The following PHTF2 variants were observed in gnomAD, a reference collection of about 807,000 sequenced individuals.
PHTF2 encodes the protein putative homeodomain transcription factor 2, also known as protein PHTF2.
PHTF2 carries 60 observed loss-of-function variants against 101.2 expected under a neutral mutation model. That is an observed-to-expected ratio of 0.59 (90% CI 0.48 to 0.73). PHTF2 has a LOEUF of 0.73. PHTF2 is among the 30% of genes least tolerant of loss of function. PHTF2 has a pLI of 0.00. For synonymous variants in PHTF2, 311 were observed against 307.3 expected, an observed-to-expected ratio of 1.01 and a Z score of -0.13; for missense variants, 747 against 908.7, an observed-to-expected ratio of 0.82 and a Z score of 2.29.
intron 3 of PHTF2, among the ~76,000 whole-genome samples, chr7:77,860,072 A>G (rs943544150): frequency 2.4e-4 from 36 of 152,264 alleles, no homozygotes; most frequent in Non-Finnish European, 5.3e-4. Flanking sequence ...CAGAGTGTAT[A>G]TTTCTCAATG....
chr7:77,819,956 C>G (rs961563052), intron 1 of PHTF2, among the ~76,000 whole-genome samples: 2 of 152,026 alleles, frequency 1.3e-5, no homozygotes, highest in Non-Finnish European at 2.9e-5. Flanking sequence ...ATGGTGTGAT[C>G]TCGACTCACT....
At chr7:77,807,705 G>A (rs188686174) in intron 1 of PHTF2, among the ~76,000 whole-genome samples, 4 of 152,232 alleles carry the variant, frequency 2.6e-5, no homozygotes, top group African/African-American at 9.6e-5. Context: ...TAAGTTTGAT[G>A]TAGTCCCATT....
Position 77,840,058 on chromosome 7 carries a change from A to C in PHTF2, c.-35-163A>C, listed in dbSNP as rs1795752277. On this transcript the variant is annotated intron_variant, in intron 1 of 19. Transcript: ENST00000416283. ...TGTGGCAACTGATTTTTGTTTACTT[A>C]AGAGAACCTGTTGCTAAAATAGTAA... is the stretch of plus-strand genomic sequence containing the variant. 3 of 401,030 alleles carry C rather than the reference A, an allele frequency of 7.5e-6. No homozygotes were observed. In the East Asian group the frequency reaches 1.1e-4, roughly 15 times the overall value. The allele number at this position is 401,030 out of a possible 1,614,324, so 24.8% of individuals were successfully genotyped here.
At chr7:77,837,771 T>A (rs1312596313) in intron 1 of PHTF2, among the ~76,000 whole-genome samples, 2 of 152,196 alleles carry the variant, frequency 1.3e-5, no homozygotes, top group African/African-American at 4.8e-5. Context: ...GCAGTGTTTT[T>A]CAAACTTTCA....
At chr7:77,934,621 T>C (rs1402274862) in intron 12 of PHTF2, among the ~76,000 whole-genome samples, 2 of 151,832 alleles carry the variant, frequency 1.3e-5, no homozygotes, top group Non-Finnish European at 2.9e-5. Context: ...TCTTCAAAGG[T>C]AAAAAAAAAT....
At position 77,904,049 on chromosome 7, in the gene PHTF2, A is replaced by G. The variant is rs1056442711; in HGVS notation, c.445+2129A>G. On this transcript the variant is annotated intron_variant, in intron 7 of 19. Transcript: ENST00000416283. ...GCCAAGATTACTGCCAGGAAACCTC[A>G]TATCATCTTCTACTTTCTGTCCATT... Among the ~76,000 whole-genome samples, 5 of 152,296 alleles carry G rather than the reference A, an allele frequency of 3.3e-5. No individual in the cohort carries two copies. The East Asian group carries it at 7.7e-4, about 23-fold the overall frequency.
At chr7:77,832,885 T>C (rs1795177986) in intron 1 of PHTF2, among the ~76,000 whole-genome samples, 1 of 152,050 alleles carries the variant, frequency 6.6e-6, no homozygotes, top group Non-Finnish European at 1.5e-5. Context: ...CCATCCCCCC[T>C]ACCCTGGCCA....
chr7:77,858,592 G>T (rs374811657), intron 3 of PHTF2, among the ~76,000 whole-genome samples: 95 of 147,076 alleles, frequency 6.5e-4, no homozygotes, highest in Admixed American at 3.4e-3. Context: ...GGTTTTTTTT[G>T]TTTGTTTGTT....
chr7:77,909,209 A>G, intron 8 of PHTF2: 1 of 333,302 alleles, frequency 3.0e-6, no homozygotes, highest in Non-Finnish European at 5.4e-6. Context: ...ATAGTCACCT[A>G]ATATCAATGT....
intron 3 of PHTF2, among the ~76,000 whole-genome samples, chr7:77,886,913 G>C (rs1205553871): frequency 6.6e-6 from 1 of 152,008 alleles, no homozygotes; most frequent in African/African-American, 2.4e-5. Context: ...AGCAAGGTGG[G>C]GGTGCACCTG....
chr7:77,836,735 G>A (rs566545390), intron 1 of PHTF2, among the ~76,000 whole-genome samples: 18 of 151,958 alleles, frequency 1.2e-4, no homozygotes, highest in African/African-American at 4.1e-4. Context: ...ACCAAATGCT[G>A]CATGTTCTCA....
intron 2 of PHTF2, among the ~76,000 whole-genome samples, chr7:77,850,854 A>G (rs1194241599): frequency 6.6e-6 from 1 of 151,774 alleles, no homozygotes; most frequent in Non-Finnish European, 1.5e-5. Flanking sequence ...CAGTTTTTTT[A>G]GTGTTTTTAT....
At chr7:77,898,904 T>G (rs1801121858) in intron 5 of PHTF2, among the ~76,000 whole-genome samples, 1 of 152,092 alleles carries the variant, frequency 6.6e-6, no homozygotes, top group African/African-American at 2.4e-5. Context: ...GTTCAAACAG[T>G]TCTCCTTGCT....
rs848478 is a variant in PHTF2, at chr7:77,914,702, T to A, written c.776+4293T>A. 9.2e-5 allele frequency among the ~76,000 whole-genome samples: 14 copies of A among 151,974 alleles called. No homozygotes were observed. The East Asian group carries it at 2.5e-3, about 27-fold the overall frequency. On this transcript the variant is annotated intron_variant, in intron 9 of 19. Transcript: ENST00000416283. ...GTTGTCTCTAACATCCCTCAGAATC[T>A]TAGGGATTCTCAAAATGGGAAATGA...
chr7:77,935,165 TATTTA>T (rs1408673823), intron 12 of PHTF2, among the ~76,000 whole-genome samples: 1 of 144,400 alleles, frequency 6.9e-6, no homozygotes, highest in African/African-American at 2.5e-5. Flanking sequence ...CAGTCTTTTT[TATTTA>T]TTTTTTCAAG....
chr7:77,809,177 A>G (rs58695035), intron 1 of PHTF2, among the ~76,000 whole-genome samples: 13,267 of 151,156 alleles, frequency 0.088, 779 homozygotes, highest in South Asian at 0.2. Flanking sequence ...ATGATGAGTT[A>G]AAAGGTAAGC....
intron 3 of PHTF2, among the ~76,000 whole-genome samples, chr7:77,878,965 AC>A (rs1799175675): frequency 7.9e-5 from 12 of 152,150 alleles, no homozygotes; most frequent in Admixed American, 7.9e-4. Context: ...TATCTAGTTC[AC>A]CTGGCCGAAT....
chr7:77,880,296 C>T (rs528674024), intron 3 of PHTF2, among the ~76,000 whole-genome samples: 1 of 152,248 alleles, frequency 6.6e-6, no homozygotes, highest in Non-Finnish European at 1.5e-5. Flanking sequence ...TGTTTATGAG[C>T]TTTCTAGAGG....
At chr7:77,934,752 A>G (rs750483837) in intron 12 of PHTF2, among the ~76,000 whole-genome samples, 10 of 152,156 alleles carry the variant, frequency 6.6e-5, no homozygotes, top group Non-Finnish European at 1.3e-4. Flanking sequence ...GTTCGAGACC[A>G]GCCTGGCAAC....
Sources: allele counts gnomAD v4.1 joint callset (sites outside exome capture counted in the v4.1 genomes callset), GRCh38; gene constraint gnomAD v4.1.1; transcripts MANE v1.5; gene names NCBI Gene and HGNC (gene_info 2026-07-23, HGNC 2026-07-21).